Variants in TCERG1L observed in about 807,000 individuals in gnomAD.
TCERG1L encodes the protein transcription elongation regulator 1 like.
In TCERG1L, 37 loss-of-function variants were observed where a neutral mutation model predicts 56.3. That is an observed-to-expected ratio of 0.66 (90% confidence interval 0.51 to 0.87). The LOEUF (loss-of-function observed/expected upper bound fraction) is 0.87, where lower values mean the gene tolerates loss of function less well. TCERG1L is among the 40% of genes least tolerant of loss of function. The pLI is 0.00. For synonymous variants in TCERG1L, 324 were observed against 326.3 expected (o/e 0.99, Z 0.08); for missense variants, 799 against 774.2 (o/e 1.03, Z -0.38).
At chr10:131,183,340 A>C (rs1845200931) in intron 4 of TCERG1L, among the ~76,000 whole-genome samples, 1 of 152,240 alleles carries the variant, frequency 6.6e-6, no homozygotes, top group African/African-American at 2.4e-5. Flanking sequence ...GAAGCAACTG[A>C]TACAAAGAGA....
chr10:131,181,185 A>C, intron 4 of TCERG1L, among the ~76,000 whole-genome samples: 1 of 150,732 alleles, frequency 6.6e-6, no homozygotes, highest in Non-Finnish European at 1.5e-5. Flanking sequence ...CCCACAGTGG[A>C]GCCAAGGCCT....
intron 4 of TCERG1L, among the ~76,000 whole-genome samples, chr10:131,169,292 G>A (rs1453186821): frequency 7.9e-6 from 1 of 126,452 alleles, no homozygotes; most frequent in Non-Finnish European, 1.8e-5. Flanking sequence ...CCATGCCCTG[G>A]GGAACCCTCA....
At chr10:131,125,208 C>CGTGATGATGATGGTG (rs1554886703) in intron 8 of TCERG1L, among the ~76,000 whole-genome samples, 1 of 151,514 alleles carries the variant, frequency 6.6e-6, no homozygotes, top group East Asian at 1.9e-4. Context: ...TGGTGATGAA[C>CGTGATGATGATGGTG]ATGATGATGA....
At chr10:131,209,494 A>G (rs1845592497) in intron 4 of TCERG1L, among the ~76,000 whole-genome samples, 1 of 152,264 alleles carries the variant, frequency 6.6e-6, no homozygotes, top group East Asian at 1.9e-4. Flanking sequence ...ACTTTAATGA[A>G]CAGATATTTT....
intron 6 of TCERG1L, among the ~76,000 whole-genome samples, chr10:131,152,721 G>C (rs536528157): frequency 6.6e-6 from 1 of 152,312 alleles, no homozygotes; most frequent in African/African-American, 2.4e-5. Flanking sequence ...ATAGCTATAA[G>C]GAAATACCTC....
intron 9 of TCERG1L, among the ~76,000 whole-genome samples, chr10:131,109,135 A>G (rs1406000377): frequency 6.6e-6 from 1 of 152,156 alleles, no homozygotes; most frequent in Non-Finnish European, 1.5e-5. Context: ...AGACCAGGAC[A>G]CGCTGTTCCT....
intron 5 of TCERG1L, among the ~76,000 whole-genome samples, chr10:131,165,775 T>G (rs1221024488): frequency 6.6e-6 from 1 of 152,216 alleles, no homozygotes; most frequent in Non-Finnish European, 1.5e-5. Context: ...TCTCTACTGC[T>G]ACTTACCGAG....
Position 131,291,397 on chromosome 10 carries a change from ATTTCTTTTTTTTTTTTTTT to A in TCERG1L, c.670+16795_670+16813del, listed in dbSNP as rs1589774700. The stretch of plus-strand genomic sequence containing the variant: ...CTCATGTGTATATTCCATAAACAGC[ATTTCTTTTTTTTTTTTTTT>A]TTTTTTTTTTTTTTTTTTTTTTTTT... On this transcript the variant is annotated intron_variant, in intron 3 of 11. Coordinates refer to ENST00000368642, the MANE Select transcript of TCERG1L (RefSeq NM_174937.4). 1.3e-4 allele frequency among the ~76,000 whole-genome samples: 8 copies of A among 60,234 alleles called. No individual in the cohort carries two copies. The East Asian group carries it at 2.8e-3, about 21-fold the overall frequency. The allele number at this position is 60,234 out of a possible 152,430, so 39.5% of individuals were successfully genotyped here.
chr10:131,286,516 G>A (rs953047509), intron 3 of TCERG1L, among the ~76,000 whole-genome samples: 43 of 151,986 alleles, frequency 2.8e-4, no homozygotes, highest in African/African-American at 8.7e-4. Flanking sequence ...CCTTCCTTCC[G>A]CATTCTAATA....
intron 4 of TCERG1L, among the ~76,000 whole-genome samples, chr10:131,169,102 C>T (rs562614850): frequency 1.3e-5 from 2 of 152,326 alleles, no homozygotes; most frequent in South Asian, 4.1e-4. Context: ...TTAAGAATTA[C>T]TCCCAGAGCC....
At position 131,311,216 on chromosome 10, in the gene TCERG1L, C is replaced by A; in HGVS notation, c.342+78G>T. The A allele has an allele frequency of 2.7e-6, 3 of 1,129,054 alleles. No homozygotes were observed. Among genetic ancestry groups the A allele is most frequent in the African/African-American group, 1.6e-5 (1 of 61,380 alleles). The allele number at this position is 1,129,054 out of a possible 1,614,324, so 69.9% of individuals were successfully genotyped here. Reference sequence around the variant, plus strand: ...GGAGGAGGGCGCGCGAGCCGGAGGCCAGAGCCGGGCCGGGCAGGGCGCGCC... The same window carrying A: ...GGAGGAGGGCGCGCGAGCCGGAGGCAAGAGCCGGGCCGGGCAGGGCGCGCC... On this transcript the variant is annotated intron_variant, in intron 1 of 11. Coordinates refer to ENST00000368642, the MANE Select transcript of TCERG1L (RefSeq NM_174937.4). The surrounding 1 kb of genome is among the most constrained non-coding windows in gnomAD (Gnocchi z 4.0).
At chr10:131,187,530 G>A (rs1022309420) in intron 4 of TCERG1L, among the ~76,000 whole-genome samples, 6 of 151,946 alleles carry the variant, frequency 3.9e-5, no homozygotes, top group East Asian at 1.9e-4. Flanking sequence ...ACTCCCGCCC[G>A]TGCTTGAAAA....
At chr10:131,155,567 C>T (rs2133423682) in intron 6 of TCERG1L, among the ~76,000 whole-genome samples, 1 of 152,358 alleles carries the variant, frequency 6.6e-6, no homozygotes, top group South Asian at 2.1e-4. Flanking sequence ...TCACCCTGCT[C>T]TTGCACCCAG....
In TCERG1L at chr10:131,104,292, G is replaced by A; in HGVS notation, c.1458C>T (p.Leu486=). 1.3e-6 allele frequency: 2 copies of A among 1,550,946 alleles called. No individual in the cohort carries two copies. The highest frequency in any genetic ancestry group is 2.4e-5 in the South Asian group (2 of 84,022). Residue 486 remains leucine (L), a synonymous_variant, in exon 10 of 12, where the codon CTC becomes CTT. Transcript: ENST00000368642. ...LHKIVFDPRY[L]LLNSEERKQI... The stretch of plus-strand genomic sequence containing the variant: ...GCTTTCGTTCCTCAGAGTTGAGCAG[G>A]AGATAGCGTGGGTCAAACACGATTT...
chr10:131,104,990 A>T (rs1355614001), intron 9 of TCERG1L, among the ~76,000 whole-genome samples: 1 of 152,204 alleles, frequency 6.6e-6, no homozygotes, highest in Non-Finnish European at 1.5e-5. Context: ...GGTTTTACCC[A>T]ATTTTCCATT....
At chr10:131,139,676 ATGTG>A (rs1188888104) in intron 7 of TCERG1L, among the ~76,000 whole-genome samples, 4 of 133,860 alleles carry the variant, frequency 3.0e-5, no homozygotes, top group East Asian at 2.4e-4. Flanking sequence ...GGCTATGCAT[ATGTG>A]TGTGTGTGTC....
chr10:131,274,813 G>A (rs747524196), intron 3 of TCERG1L, among the ~76,000 whole-genome samples: 5 of 152,122 alleles, frequency 3.3e-5, no homozygotes, highest in East Asian at 1.9e-4. Flanking sequence ...TCACCGCTTC[G>A]CTTAGCAGCT....
chr10:131,235,537 C>T (rs61861229), intron 4 of TCERG1L, among the ~76,000 whole-genome samples: 8,160 of 152,184 alleles, frequency 0.054, 315 homozygotes, highest in East Asian at 0.18. Flanking sequence ...TATTGATAGG[C>T]AACTACTATA....
chr10:131,194,172 C>T (rs1011101862), intron 4 of TCERG1L, among the ~76,000 whole-genome samples: 1 of 152,268 alleles, frequency 6.6e-6, no homozygotes, highest in Non-Finnish European at 1.5e-5. Context: ...GTTCGCTTTG[C>T]TTTTTGTTGC....
Sources: allele counts gnomAD v4.1 joint callset (sites outside exome capture counted in the v4.1 genomes callset), GRCh38; gene constraint gnomAD v4.1.1; non-coding constraint Gnocchi (gnomAD v3.1); transcripts MANE v1.5; gene names NCBI Gene and HGNC (gene_info 2026-07-23, HGNC 2026-07-21).